ADAMTS18: variants seen among roughly 807,000 people sequenced by gnomAD.
ADAMTS18 encodes the protein ADAM metallopeptidase with thrombospondin type 1 motif 18, also known as A disintegrin and metalloproteinase with thrombospondin motifs 18.
A neutral mutation model predicts 165.9 loss-of-function variants in ADAMTS18; 157 were observed. The ratio of observed to expected loss-of-function variants is 0.95; its 90% CI spans 0.83 to 1.08. The LOEUF (loss-of-function observed/expected upper bound fraction) is 1.08, where lower values mean the gene tolerates loss of function less well. ADAMTS18 is among the 50% of genes least tolerant of loss of function. The probability of loss-of-function intolerance (pLI) is 0.00; values close to 1 mark genes in which losing one functional copy is unlikely to be tolerated. For synonymous variants in ADAMTS18, 782 were observed against 578.2 expected (o/e 1.35, Z -5.06); for missense variants, 2,040 against 1,534.0 (o/e 1.33, Z -5.51).
chr16:77,406,325 G>T (rs1002924802), intron 3 of ADAMTS18, among the ~76,000 whole-genome samples: 2 of 152,120 alleles, frequency 1.3e-5, no homozygotes, highest in African/African-American at 2.4e-5. Context: ...CAAATAAAAG[G>T]TGTTATCATC....
intron 3 of ADAMTS18, among the ~76,000 whole-genome samples, chr16:77,374,963 T>C (rs1240487363): frequency 6.6e-6 from 1 of 152,146 alleles, no homozygotes; most frequent in Non-Finnish European, 1.5e-5. Context: ...TCTAACCAAA[T>C]AAATACATTT....
At chr16:77,390,555 T>A (rs966942340) in intron 3 of ADAMTS18, among the ~76,000 whole-genome samples, 1 of 152,084 alleles carries the variant, frequency 6.6e-6, no homozygotes, top group Non-Finnish European at 1.5e-5. Flanking sequence ...CCGGGCATGG[T>A]GGCGTGTGCC....
At chr16:77,352,690 G>C (rs1180729440) in intron 10 of ADAMTS18, among the ~76,000 whole-genome samples, 1 of 152,142 alleles carries the variant, frequency 6.6e-6, no homozygotes, top group Non-Finnish European at 1.5e-5. Flanking sequence ...GGAGGAAGAA[G>C]AGGAACAGGA....
chr16:77,387,594 C>T (rs2057127125), intron 3 of ADAMTS18, among the ~76,000 whole-genome samples: 1 of 152,180 alleles, frequency 6.6e-6, no homozygotes, highest in African/African-American at 2.4e-5. Flanking sequence ...ATGCAAACTG[C>T]TTCCACTGCC....
chr16:77,365,504 C>T (rs75484735), intron 4 of ADAMTS18, among the ~76,000 whole-genome samples: 2 of 152,190 alleles, frequency 1.3e-5, no homozygotes, highest in African/African-American at 4.8e-5. Context: ...ATTAGGGAAA[C>T]AGCATAGTTG....
chr16:77,373,951 G>A (rs2056913567), intron 3 of ADAMTS18, among the ~76,000 whole-genome samples: 1 of 152,086 alleles, frequency 6.6e-6, no homozygotes, highest in Non-Finnish European at 1.5e-5. Context: ...GGGCATGGTG[G>A]CTCACACTTG....
At chr16:77,354,935 C>A (rs980156263) in intron 9 of ADAMTS18, among the ~76,000 whole-genome samples, 1 of 152,090 alleles carries the variant, frequency 6.6e-6, no homozygotes, top group African/African-American at 2.4e-5. Flanking sequence ...ATAGGAAAAT[C>A]TTCATGGCAA....
intron 10 of ADAMTS18, among the ~76,000 whole-genome samples, chr16:77,352,421 G>A (rs1450174304): frequency 6.6e-6 from 1 of 152,172 alleles, no homozygotes; most frequent in Non-Finnish European, 1.5e-5. Context: ...TGTGTGACTT[G>A]TTTTGTTAAA....
chr16:77,338,892 T>C (rs1335391193), intron 11 of ADAMTS18, among the ~76,000 whole-genome samples: 1 of 148,412 alleles, frequency 6.7e-6, no homozygotes. Context: ...AGATGGAGCC[T>C]GCAGTGAGCC....
chr16:77,425,244 C>G (rs566555691), intron 3 of ADAMTS18, among the ~76,000 whole-genome samples: 18 of 152,242 alleles, frequency 1.2e-4, no homozygotes, highest in Middle Eastern at 3.4e-3. Context: ...ACGCCACTTA[C>G]GGTTTAATTG....
chr16:77,318,752 A>G (rs1042916716), intron 16 of ADAMTS18, among the ~76,000 whole-genome samples: 1 of 152,072 alleles, frequency 6.6e-6, no homozygotes, highest in East Asian at 1.9e-4. Flanking sequence ...CAAGTCTTTT[A>G]ATCTTTTTTT....
chr16:77,367,488 T>C lies in ADAMTS18; in HGVS notation c.731A>G (p.His244Arg), dbSNP rs1208978987. The C allele has an allele frequency of 3.1e-6, 5 of 1,614,196 alleles. No individual in the cohort carries two copies. Among genetic ancestry groups the C allele is most frequent in the Non-Finnish European group, 4.2e-6 (5 of 1,180,016 alleles). Residue 244 changes from histidine (H) to arginine (R), a missense_variant, in exon 4 of 23, where the codon CAC (histidine) becomes CGC (arginine). Physicochemically the swap from His to Arg is conservative, Grantham distance 29. Transcript: ENST00000282849. ...HASQSRETEY[H>R]HRRLQKQHFC... ...ATGCTGCTTTTGCAACCTTCGATGG[T>C]GATACTCTGTCTCTCGACTCTGAGA... is the stretch of plus-strand genomic sequence containing the variant.
chr16:77,324,691 T>C (rs1211676779), intron 13 of ADAMTS18, among the ~76,000 whole-genome samples: 1 of 152,172 alleles, frequency 6.6e-6, no homozygotes, highest in Admixed American at 6.5e-5. Flanking sequence ...TTAAGGAAGG[T>C]CTCTCTGAGG....
intron 6 of ADAMTS18, among the ~76,000 whole-genome samples, chr16:77,363,496 T>A (rs188174909): frequency 1.3e-5 from 2 of 151,286 alleles, no homozygotes; most frequent in East Asian, 3.9e-4. Context: ...ATTTATTTTA[T>A]GTAACATATT....
intron 16 of ADAMTS18, among the ~76,000 whole-genome samples, chr16:77,316,073 G>C (rs530392184): frequency 6.6e-6 from 1 of 152,176 alleles, no homozygotes; most frequent in South Asian, 2.1e-4. Context: ...TACATGTCTA[G>C]TAACTTTTCT....
At chr16:77,346,885 TA>T (rs1321801383) in intron 10 of ADAMTS18, among the ~76,000 whole-genome samples, 1 of 152,200 alleles carries the variant, frequency 6.6e-6, no homozygotes, top group Non-Finnish European at 1.5e-5. Flanking sequence ...TTGGCAGATA[TA>T]TACACCACTA....
At chr16:77,362,038 C>A in intron 7 of ADAMTS18, 67 bp downstream of exon 7, 2 of 1,546,886 alleles carry the variant, frequency 1.3e-6, no homozygotes, top group Middle Eastern at 1.9e-4. Flanking sequence ...TATCCATCAT[C>A]CATAGAAAGT....
At chr16:77,390,200 G>A (rs906931440) in intron 3 of ADAMTS18, among the ~76,000 whole-genome samples, 20 of 152,114 alleles carry the variant, frequency 1.3e-4, no homozygotes, top group Middle Eastern at 3.4e-3. Flanking sequence ...AAGAAATAAC[G>A]GCAGTGGAAA....
chr16:77,361,315 T>A (rs1332942765), intron 7 of ADAMTS18, among the ~76,000 whole-genome samples: 1 of 152,128 alleles, frequency 6.6e-6, no homozygotes, highest in African/African-American at 2.4e-5. Context: ...TGAATTCCTA[T>A]TATGTGCAAT....
Sources: allele counts gnomAD v4.1 joint callset (sites outside exome capture counted in the v4.1 genomes callset), GRCh38; gene constraint gnomAD v4.1.1; transcripts MANE v1.5; gene names NCBI Gene and HGNC (gene_info 2026-07-23, HGNC 2026-07-21).